The following TAF5 variants were observed in gnomAD, a reference collection of about 807,000 sequenced individuals.
The protein encoded by TAF5 is TATA-box binding protein associated factor 5, also known as transcription initiation factor TFIID subunit 5.
Under a neutral mutation model 80.9 loss-of-function variants are expected in TAF5, and 20 were observed. That is an observed-to-expected ratio of 0.25 (90% CI 0.17 to 0.36). TAF5 has a LOEUF of 0.36. Ranked by LOEUF, TAF5 falls within the 10% of genes least tolerant of loss-of-function variation. TAF5 has a pLI of 1.00. For missense variants in TAF5, 863 were observed against 1,029.4 expected, an observed-to-expected ratio of 0.84 and a Z score of 2.21; for synonymous variants, 388 against 406.4, an observed-to-expected ratio of 0.95 and a Z score of 0.55.
Position 103,368,410 on chromosome 10 carries a change from G to C in TAF5, c.421G>C (p.Ala141Pro). 6.4e-7 allele frequency: 1 copy of C among 1,570,816 alleles called. No homozygotes were observed. Among genetic ancestry groups the C allele is most frequent in the Non-Finnish European group, 8.6e-7 (1 of 1,167,870 alleles). Residue 141 changes from alanine (A) to proline (P), a missense_variant, in exon 1 of 11, where the codon GCT becomes CCT. Ala to Pro is a conservative substitution (Grantham distance 27, BLOSUM62 -1). Transcript: ENST00000369839. ...CCCGGGAGAGGTGGACAGCGCCGGC[G>C]CTGAGGTGACCAGCGCGCTTCTCAG... ...GAPGEVDSAG[A>P]EVTSALLSRV...
At chr10:103,384,575 G>A (rs2093391217) in intron 7 of TAF5, among the ~76,000 whole-genome samples, 1 of 152,196 alleles carries the variant, frequency 6.6e-6, no homozygotes, top group South Asian at 2.1e-4. Flanking sequence ...AGGTTGCAAT[G>A]AGCCGAGATT....
At chr10:103,382,603 CAA>C (rs1350783540) in intron 6 of TAF5, among the ~76,000 whole-genome samples, 1 of 151,368 alleles carries the variant, frequency 6.6e-6, no homozygotes, top group East Asian at 1.9e-4. Context: ...TTAAATAAAA[CAA>C]TATATTTTAA....
At position 103,388,381 on chromosome 10, in the gene TAF5, G is replaced by A. The variant is rs374479154; in HGVS notation, c.*158G>A. The A allele has an allele frequency of 9.4e-5, 58 of 620,226 alleles. No homozygotes were observed. The highest frequency in any genetic ancestry group is 9.3e-4 in the East Asian group (33 of 35,476). 38.4% of individuals were successfully genotyped at this position (620,226 alleles called of 1,614,324 possible). On this transcript the variant is annotated 3_prime_UTR_variant, in exon 11 of 11. Coordinates refer to ENST00000369839, the MANE Select transcript of TAF5 (RefSeq NM_006951.5). The stretch of plus-strand genomic sequence containing the variant: ...AAAAATCTGAACAGGACAGTTCCAC[G>A]TTTCTATAGCAACCACATTTGACTA...
chr10:103,385,754 G>A (rs768054311), intron 8 of TAF5, among the ~76,000 whole-genome samples: 4 of 151,394 alleles, frequency 2.6e-5, no homozygotes, highest in Non-Finnish European at 5.9e-5. Context: ...GTGGAACCCC[G>A]TCTCTACTAA....
chr10:103,373,929 A>G (rs76118965), intron 2 of TAF5, among the ~76,000 whole-genome samples: 1,545 of 152,262 alleles, frequency 0.01, 61 homozygotes, highest in East Asian at 0.079. Flanking sequence ...AAAGATGGCC[A>G]GGGTAGCTGG....
chr10:103,373,627 C>A lies in TAF5; in HGVS notation c.797+32C>A, dbSNP rs930651683. 5 of 1,496,808 alleles carry A rather than the reference C, an allele frequency of 3.3e-6. No individual in the cohort carries two copies. In the African/African-American group the frequency reaches 7.0e-5, roughly 21 times the overall value. The allele number at this position is 1,496,808 out of a possible 1,614,324, so 92.7% of individuals were successfully genotyped here. A position where few individuals can be genotyped will look rare whatever the true frequency, so the allele number is the denominator to read the frequency against. On this transcript the variant is annotated intron_variant, in intron 2 of 10. Transcript: ENST00000369839. Reference sequence around the variant, plus strand: ...AAATTTTTACATATATATATATACACACATACGTAGTGTGTGTGTGTGCGT... The same window carrying A: ...AAATTTTTACATATATATATATACAAACATACGTAGTGTGTGTGTGTGCGT...
In TAF5 at chr10:103,388,000, C is replaced by T; in HGVS notation, c.2186-6C>T. 1 of 1,611,626 alleles carries T rather than the reference C, an allele frequency of 6.2e-7. No individual in the cohort carries two copies. Among genetic ancestry groups the T allele is most frequent in the Non-Finnish European group, 8.5e-7 (1 of 1,178,136 alleles). ...CAACTAATGGTTTCCTTTGACTTCCCCTTAGGTTCAATGGATAATACAGTT... is the reference window on the plus strand; with the variant it reads ...CAACTAATGGTTTCCTTTGACTTCCTCTTAGGTTCAATGGATAATACAGTT... On this transcript the variant is annotated splice_polypyrimidine_tract_variant and splice_region_variant and intron_variant, in intron 10 of 10. Transcript: ENST00000369839.
chr10:103,368,453 C>T lies in TAF5; in HGVS notation c.464C>T (p.Ala155Val), dbSNP rs1226366834. Residue 155 changes from alanine to valine, a missense_variant, in exon 1 of 11, where the codon GCC becomes GTC. Ala to Val is a moderately conservative substitution (Grantham distance 64). Coordinates refer to ENST00000369839, the MANE Select transcript of TAF5 (RefSeq NM_006951.5). ...SALLSRVTAS[A>V]PGPAAPDPPG... Reference sequence around the variant, plus strand: ...CTTCTCAGCCGGGTGACCGCCTCGGCCCCTGGCCCTGCGGCCCCCGACCCT... The same window carrying T: ...CTTCTCAGCCGGGTGACCGCCTCGGTCCCTGGCCCTGCGGCCCCCGACCCT... The T allele has an allele frequency of 6.3e-7, 1 of 1,583,202 alleles. No homozygotes were observed. The highest frequency in any genetic ancestry group is 8.5e-7 in the Non-Finnish European group (1 of 1,174,100).
chr10:103,383,422 A>G (rs1262778226), intron 7 of TAF5, 55 bp downstream of exon 7: 2 of 1,485,520 alleles, frequency 1.3e-6, no homozygotes, highest in African/African-American at 1.5e-5. Flanking sequence ...AAATTATATA[A>G]AAGTTAACTA....
chr10:103,368,067 G>A lies in TAF5; in HGVS notation c.78G>A (p.Pro26=). 2.1e-6 allele frequency: 3 copies of A among 1,430,670 alleles called. No individual in the cohort carries two copies. The highest frequency in any genetic ancestry group is 1.8e-6 in the Non-Finnish European group (2 of 1,094,006). 88.6% of individuals were successfully genotyped at this position (1,430,670 alleles called of 1,614,324 possible). A position where few individuals can be genotyped will look rare whatever the true frequency, so the allele number is the denominator to read the frequency against. ...AGGGACCGCCAACGCTGCTACCTCC[G>A]CAGGCGGGGGACGGCGCAGGCGAGG... ...EPEGPPTLLP[P]QAGDGAGEGS... is the part of the protein sequence containing the mutation. The change falls in exon 1 of 11, where the codon CCG becomes CCA. Residue 26 remains proline, a synonymous_variant. Transcript: ENST00000369839.
chr10:103,368,225 C>T lies in TAF5; in HGVS notation c.236C>T (p.Ala79Val), dbSNP rs1049400023. Reference sequence around the variant, plus strand: ...TCCGCCGCTGCCCCGGCGGGGGCGGCCCCGGTGCCCGCCGCTGCTCCGGAC... The same window carrying T: ...TCCGCCGCTGCCCCGGCGGGGGCGGTCCCGGTGCCCGCCGCTGCTCCGGAC... ...AVSAAAPAGAAPVPAAAPDAG... is the reference protein window; with the variant it reads ...AVSAAAPAGAVPVPAAAPDAG... The change falls in exon 1 of 11, where the codon GCC (alanine) becomes GTC (valine). Residue 79 changes from alanine (A) to valine (V), a missense_variant. Coordinates refer to ENST00000369839, the MANE Select transcript of TAF5 (RefSeq NM_006951.5). The T allele has an allele frequency of 1.4e-6, 2 of 1,437,628 alleles. No homozygotes were observed. Among genetic ancestry groups the T allele is most frequent in the Non-Finnish European group, 1.8e-6 (2 of 1,096,794 alleles). 89.1% of individuals were successfully genotyped at this position (1,437,628 alleles called of 1,614,324 possible). A position where few individuals can be genotyped will look rare whatever the true frequency, so the allele number is the denominator to read the frequency against.
chr10:103,376,161 G>T (rs2093369584), intron 2 of TAF5, among the ~76,000 whole-genome samples: 1 of 150,848 alleles, frequency 6.6e-6, no homozygotes, highest in South Asian at 2.1e-4. Flanking sequence ...GCGCCATCTC[G>T]GCTCACTGCA....
chr10:103,368,239 G>A lies in TAF5; in HGVS notation c.250G>A (p.Ala84Thr), dbSNP rs866783432. 4.1e-6 allele frequency: 6 copies of A among 1,481,472 alleles called. No individual in the cohort carries two copies. Among genetic ancestry groups the A allele is most frequent in the East Asian group, 2.7e-5 (1 of 36,454 alleles). 91.8% of individuals were successfully genotyped at this position (1,481,472 alleles called of 1,614,324 possible). A position where few individuals can be genotyped will look rare whatever the true frequency, so the allele number is the denominator to read the frequency against. ...GGCGGGGGCGGCCCCGGTGCCCGCCGCTGCTCCGGACGCCGGCGCTCCGCA... is the reference window on the plus strand; with the variant it reads ...GGCGGGGGCGGCCCCGGTGCCCGCCACTGCTCCGGACGCCGGCGCTCCGCA... ...APAGAAPVPA[A>T]APDAGAPHDR... The change falls in exon 1 of 11, where the codon GCT (alanine) becomes ACT (threonine). Residue 84 changes from alanine (A) to threonine (T), a missense_variant. Transcript: ENST00000369839.
At chr10:103,379,212 G>A (rs1457176730) in intron 3 of TAF5, among the ~76,000 whole-genome samples, 1 of 152,162 alleles carries the variant, frequency 6.6e-6, no homozygotes, top group Non-Finnish European at 1.5e-5. Context: ...TCCTCTTTGT[G>A]CTCACAAATG....
At position 103,378,926 on chromosome 10, in the gene TAF5, C is replaced by T. The variant is rs528046028; in HGVS notation, c.1113+376C>T. Among the ~76,000 whole-genome samples the T allele has an allele frequency of 6.6e-6, 1 of 152,206 alleles. No homozygotes were observed. Among genetic ancestry groups the T allele is most frequent in the Non-Finnish European group, 1.5e-5 (1 of 68,034 alleles). On this transcript the variant is annotated intron_variant, in intron 3 of 10. Transcript: ENST00000369839. This position sits in a 1 kb window ranked among gnomAD's most constrained non-coding sequence, Gnocchi z 4.1. ...CCACCCGACTCCGCCTCCCAAAGTG[C>T]TGGCATAACAGGCGTGAGCTACTGC... is the stretch of plus-strand genomic sequence containing the variant.
chr10:103,378,469 G>A lies in TAF5; in HGVS notation c.1032G>A (p.Gly344=). 6.2e-7 allele frequency: 1 copy of A among 1,614,194 alleles called. No homozygotes were observed. The highest frequency in any genetic ancestry group is 8.5e-7 in the Non-Finnish European group (1 of 1,180,054). Residue 344 remains glycine (G), a synonymous_variant, in exon 3 of 11, where the codon GGG becomes GGA. Transcript: ENST00000369839. The surrounding 1 kb of genome is among the most constrained non-coding windows in gnomAD (Gnocchi z 4.1). ...ACCTCTACATTGACATCTTTGATGG[G>A]ATGCCGCGTAGTAAGCAACAGATAG... is the stretch of plus-strand genomic sequence containing the variant. The part of the protein sequence containing the change: ...QEHLYIDIFD[G]MPRSKQQIDA...
At chr10:103,387,118 G>T in intron 8 of TAF5, 57 bp from the exon 9 acceptor site, 2 of 1,498,394 alleles carry the variant, frequency 1.3e-6, no homozygotes, top group Non-Finnish European at 1.8e-6. Flanking sequence ...ATAGATTTTT[G>T]GCGTTTCACA....
intron 1 of TAF5, 54 bp from the exon 2 acceptor site, chr10:103,373,304 A>G (rs2093363847): frequency 7.0e-7 from 1 of 1,437,550 alleles, no homozygotes. Context: ...ATACAGCCAT[A>G]GTCACATGGT....
At position 103,388,750 on chromosome 10, in the gene TAF5, C is replaced by G. The variant is rs1437899426; in HGVS notation, c.*527C>G. 6.5e-6 allele frequency: 1 copy of G among 153,312 alleles called. No individual in the cohort carries two copies. Among genetic ancestry groups the G allele is most frequent in the Non-Finnish European group, 1.5e-5 (1 of 68,682 alleles). 9.5% of individuals were successfully genotyped at this position (153,312 alleles called of 1,614,324 possible). Reference sequence around the variant, plus strand: ...ACTAGGTAGGGTTCCTTTCTTAGATCTAGAGGAAGTACAGCCACCCACTGA... The same window carrying G: ...ACTAGGTAGGGTTCCTTTCTTAGATGTAGAGGAAGTACAGCCACCCACTGA... On this transcript the variant is annotated 3_prime_UTR_variant, in exon 11 of 11. Transcript: ENST00000369839.
Sources: allele counts gnomAD v4.1 joint callset (sites outside exome capture counted in the v4.1 genomes callset), GRCh38; gene constraint gnomAD v4.1.1; non-coding constraint Gnocchi (gnomAD v3.1); transcripts MANE v1.5; gene names NCBI Gene and HGNC (gene_info 2026-07-23, HGNC 2026-07-21).